The following DLEC1 variants were observed in gnomAD, a reference collection of about 807,000 sequenced individuals.
The protein encoded by DLEC1 is deleted in lung and esophageal cancer protein 1.
A neutral mutation model predicts 198.1 loss-of-function variants in DLEC1; 146 were observed. That is an observed-to-expected ratio of 0.74 (90% CI 0.64 to 0.85). The LOEUF is 0.85. Ranked by LOEUF, DLEC1 falls within the 40% of genes least tolerant of loss-of-function variation. DLEC1 has a pLI of 0.00. For missense variants in DLEC1, 2,233 were observed against 2,220.0 expected (o/e 1.01, Z -0.12); for synonymous variants, 897 against 866.8 (o/e 1.03, Z -0.61).
rs752782524 is a variant in DLEC1 at position 38,115,030 on chromosome 3, G to T, written c.3833G>T (p.Arg1278Leu). ...GGAGACACAGTTACCCGAACCCTTC[G>T]CCTGAATAACTCCAGCCCCTGTGGT... ...SGGDTVTRTL[R>L]LNNSSPCDIR... The change falls in exon 27 of 37, where the codon CGC (arginine) becomes CTC (leucine). Residue 1278 changes from arginine (R) to leucine (L), a missense_variant. Coordinates refer to ENST00000308059, the MANE Select transcript of DLEC1 (RefSeq NM_007335.4). 1.2e-6 allele frequency: 2 copies of T among 1,613,954 alleles called. No individual in the cohort carries two copies. Among genetic ancestry groups the T allele is most frequent in the East Asian group, 4.5e-5 (2 of 44,868 alleles).
intron 35 of DLEC1, 89 bp from the exon 36 acceptor site, chr3:38,121,982 G>C: frequency 1.3e-6 from 2 of 1,568,346 alleles, no homozygotes; most frequent in Non-Finnish European, 1.7e-6. Context: ...AGCAAGACCA[G>C]AGGTACAGGC....
intron 6 of DLEC1, among the ~76,000 whole-genome samples, chr3:38,071,326 G>A (rs935652251): frequency 5.3e-5 from 8 of 152,164 alleles, no homozygotes; most frequent in African/African-American, 1.4e-4. Context: ...GGGGTTCAGC[G>A]CAATTACTTG....
chr3:38,046,330 T>A (rs1484774364), intron 2 of DLEC1, among the ~76,000 whole-genome samples: 1 of 152,158 alleles, frequency 6.6e-6, no homozygotes, highest in African/African-American at 2.4e-5. Flanking sequence ...AATCCCCACG[T>A]GTCATGGGAG....
intron 7 of DLEC1, among the ~76,000 whole-genome samples, chr3:38,084,504 G>A (rs1038380647): frequency 1.6e-5 from 1 of 63,808 alleles, no homozygotes; most frequent in Non-Finnish European, 3.2e-5. Flanking sequence ...AGTAGTAGTG[G>A]TAGTAGTAGT....
In DLEC1 at chr3:38,122,995, G is replaced by A; in HGVS notation, c.*583G>A. The stretch of plus-strand genomic sequence containing the variant: ...TTTGCTTTTGTGGTGTTACTGCCTT[G>A]CTGCTAGAGCAGCAGGACTGTCTGC... On this transcript the variant is annotated 3_prime_UTR_variant, in exon 37 of 37. Coordinates refer to ENST00000308059, the MANE Select transcript of DLEC1 (RefSeq NM_007335.4). 5 of 1,587,454 alleles carry A rather than the reference G, an allele frequency of 3.1e-6. No homozygotes were observed. Among genetic ancestry groups the A allele is most frequent in the South Asian group, 1.1e-5 (1 of 90,520 alleles).
Position 38,095,018 on chromosome 3 carries a change from G to A in DLEC1, c.2059G>A (p.Val687Ile). ...TAFSIMPRKG[V>I]LSPHTDHEFI... ...CTTCTCCATCATGCCCAGAAAGGGGGTTCTAAGCCCCCACACAGACCACGA... is the reference window on the plus strand; with the variant it reads ...CTTCTCCATCATGCCCAGAAAGGGGATTCTAAGCCCCCACACAGACCACGA... Residue 687 changes from valine to isoleucine, a missense_variant, in exon 13 of 37, where the codon GTT (valine) becomes ATT (isoleucine). Physicochemically the swap from Val to Ile is conservative, Grantham distance 29. Coordinates refer to ENST00000308059, the MANE Select transcript of DLEC1 (RefSeq NM_007335.4). The A allele has an allele frequency of 1.9e-6, 3 of 1,614,220 alleles. No homozygotes were observed. The highest frequency in any genetic ancestry group is 2.5e-6 in the Non-Finnish European group (3 of 1,180,034).
chr3:38,107,902 G>A (rs1335142630), intron 20 of DLEC1, among the ~76,000 whole-genome samples, 165 bp downstream of exon 20: 1 of 152,232 alleles, frequency 6.6e-6, no homozygotes, highest in Non-Finnish European at 1.5e-5. Flanking sequence ...CCTCAAAGGA[G>A]CAGCATATCT....
intron 7 of DLEC1, 24 bp from the exon 8 acceptor site, chr3:38,085,250 A>T (rs1262683707): frequency 3.1e-6 from 5 of 1,613,576 alleles, no homozygotes. Context: ...CAGGATCCTC[A>T]CTTGTCACTT....
At chr3:38,118,216 G>C (rs1700286090) in intron 33 of DLEC1, among the ~76,000 whole-genome samples, 192 bp downstream of exon 33, 1 of 152,092 alleles carries the variant, frequency 6.6e-6, no homozygotes, top group Non-Finnish European at 1.5e-5. Flanking sequence ...TGCACAAGTG[G>C]CTCACATGGG....
intron 34 of DLEC1, among the ~76,000 whole-genome samples, chr3:38,121,292 C>T (rs1456036066): frequency 2.6e-5 from 4 of 152,174 alleles, no homozygotes; most frequent in Non-Finnish European, 5.9e-5. Flanking sequence ...TGGTCCACGG[C>T]TGAGAGGAGC....
rs571326194 is a variant in DLEC1 at position 38,099,736 on chromosome 3, G to T, written c.2725-550G>T. On this transcript the variant is annotated intron_variant, in intron 18 of 36. Transcript: ENST00000308059. ...GCTCTTTCCCTTCCCCTCTCCCTTT[G>T]TGTGTGTGCCTGGCATGGGAGGAGG... Among the ~76,000 whole-genome samples the T allele has an allele frequency of 3.3e-4, 49 of 149,610 alleles. No homozygotes were observed. The South Asian group carries it at 0.01, about 31-fold the overall frequency.
At position 38,117,269 on chromosome 3, in the gene DLEC1, A is replaced by C; in HGVS notation, c.4367A>C (p.Lys1456Thr). ...CAGGACTTTGCGGTGGGACCCCTGA[A>C]ACTGGACCTGCATAGCTACGTGAGG... Reference protein sequence around the residue: ...RLQDFAVGPLKLDLHSYVRPA... With the variant: ...RLQDFAVGPLTLDLHSYVRPA... Residue 1456 changes from lysine to threonine, a missense_variant, in exon 31 of 37, where the codon AAA (lysine) becomes ACA (threonine). Physicochemically the swap from Lys to Thr is moderately conservative, Grantham distance 78. Coordinates refer to ENST00000308059, the MANE Select transcript of DLEC1 (RefSeq NM_007335.4). 1 of 1,614,132 alleles carries C rather than the reference A, an allele frequency of 6.2e-7. No homozygotes were observed. Among genetic ancestry groups the C allele is most frequent in the Non-Finnish European group, 8.5e-7 (1 of 1,179,988 alleles).
intron 34 of DLEC1, 74 bp downstream of exon 34, chr3:38,120,683 G>T: frequency 6.3e-7 from 1 of 1,586,678 alleles, no homozygotes; most frequent in South Asian, 1.1e-5. Flanking sequence ...GGCCAGAGGA[G>T]GAAAGACCTA....
At chr3:38,113,932 T>C (rs754051053) in intron 25 of DLEC1, among the ~76,000 whole-genome samples, 4 of 151,928 alleles carry the variant, frequency 2.6e-5, no homozygotes, top group South Asian at 4.2e-4. Flanking sequence ...AAAGTTCTTT[T>C]CATTTAAAAG....
chr3:38,114,359 G>A lies in DLEC1; in HGVS notation c.3684G>A (p.Pro1228=), dbSNP rs374668106. ...NLICTVGDLL[P]EVIPVHMAAV... ...GTTTGCAGGTGGGAGACCTGCTGCC[G>A]GAAGTCATCCCAGTGCACATGGCAG... is the stretch of plus-strand genomic sequence containing the variant. Residue 1228 remains proline, a synonymous_variant, in exon 26 of 37, where the codon CCG becomes CCA. Coordinates refer to ENST00000308059, the MANE Select transcript of DLEC1 (RefSeq NM_007335.4). The A allele has an allele frequency of 7.4e-5, 120 of 1,614,150 alleles. No individual in the cohort carries two copies. In the African/African-American group the frequency reaches 1.1e-3, roughly 14 times the overall value.
chr3:38,042,284 C>T lies in DLEC1; in HGVS notation c.411+2648C>T, dbSNP rs369183327. Among the ~76,000 whole-genome samples the T allele has an allele frequency of 2.9e-4, 44 of 152,198 alleles. No homozygotes were observed. In the South Asian group the frequency reaches 8.3e-3, roughly 29 times the overall value. On this transcript the variant is annotated intron_variant, in intron 1 of 36. Transcript: ENST00000308059. ...CTAGGATTACAAGAGTGTGCCACTG[C>T]GCCTGGCCCGCCATTTATTAATTTA...
At position 38,062,674 on chromosome 3, in the gene DLEC1, C is replaced by T. The variant is rs370478680; in HGVS notation, c.967C>T (p.Arg323Trp). The T allele has an allele frequency of 3.7e-5, 60 of 1,613,938 alleles. No homozygotes were observed. The highest frequency in any genetic ancestry group is 4.7e-5 in the Non-Finnish European group (56 of 1,180,030). The change falls in exon 5 of 37, where the codon CGG (arginine) becomes TGG (tryptophan). Residue 323 changes from arginine to tryptophan, a missense_variant. Coordinates refer to ENST00000308059, the MANE Select transcript of DLEC1 (RefSeq NM_007335.4). ...DRLLLARMES[R>W]NHFLKNPRFF... ...ACTTCTGCTTGCCAGAATGGAGAGT[C>T]GGAACCACTTCCTAAAAAATCCCCG...
rs1037299495 is a variant in DLEC1, at chr3:38,114,508, C to T, written c.3785+48C>T. 6 of 1,590,446 alleles carry T rather than the reference C, an allele frequency of 3.8e-6. No individual in the cohort carries two copies. In the Admixed American group the frequency reaches 1.0e-4, roughly 27 times the overall value. On this transcript the variant is annotated intron_variant, in intron 26 of 36. Transcript: ENST00000308059. ...CTCTGCTCCCTGGTAGCCCCTGAAA[C>T]CCTCCGGCCTCCGGGCTGGGCTGCC...
intron 35 of DLEC1, 120 bp from the exon 36 acceptor site, chr3:38,121,951 T>G: frequency 6.6e-7 from 1 of 1,523,902 alleles, no homozygotes; most frequent in South Asian, 1.3e-5. Context: ...GATCTCAGGG[T>G]TGCCCTGCCC....
Sources: allele counts gnomAD v4.1 joint callset (sites outside exome capture counted in the v4.1 genomes callset), GRCh38; gene constraint gnomAD v4.1.1; transcripts MANE v1.5; gene names NCBI Gene and HGNC (gene_info 2026-07-23, HGNC 2026-07-21).